Variants in PDGFD observed in about 807,000 individuals in gnomAD.
The protein encoded by PDGFD is platelet derived growth factor D, also known as platelet-derived growth factor D.
Under a neutral mutation model 44.7 loss-of-function variants are expected in PDGFD, and 30 were observed. That is an observed-to-expected ratio of 0.67 (90% confidence interval 0.50 to 0.91). The LOEUF is 0.91. PDGFD is among the 40% of genes least tolerant of loss of function. The probability of loss-of-function intolerance (pLI) is 0.00; values close to 1 mark genes in which losing one functional copy is unlikely to be tolerated. For missense variants in PDGFD, 445 were observed against 457.8 expected (o/e 0.97, Z 0.25); for synonymous variants, 173 against 168.4 (o/e 1.03, Z -0.21).
At chr11:104,071,778 C>A (rs920154336) in intron 1 of PDGFD, among the ~76,000 whole-genome samples, 5 of 151,444 alleles carry the variant, frequency 3.3e-5, no homozygotes, top group African/African-American at 1.2e-4. Context: ...ATGCTTTTAT[C>A]TAGTATTATA....
At chr11:104,049,462 G>T (rs1007410305) in intron 1 of PDGFD, among the ~76,000 whole-genome samples, 2 of 152,072 alleles carry the variant, frequency 1.3e-5, no homozygotes, top group African/African-American at 4.8e-5. Context: ...CTAAATAAGG[G>T]GTTTGAATTT....
At chr11:103,977,800 A>G (rs1859205716) in intron 3 of PDGFD, among the ~76,000 whole-genome samples, 2 of 152,044 alleles carry the variant, frequency 1.3e-5, no homozygotes, top group Non-Finnish European at 2.9e-5. Context: ...ATTTGAGGGT[A>G]ATGGGATCTA....
chr11:104,090,358 G>A (rs1333400563), intron 1 of PDGFD, among the ~76,000 whole-genome samples: 1 of 150,230 alleles, frequency 6.7e-6, no homozygotes, highest in Non-Finnish European at 1.5e-5. Flanking sequence ...AGTGGCTCAT[G>A]CCTATGATCC....
At chr11:104,057,329 G>A (rs1860636234) in intron 1 of PDGFD, among the ~76,000 whole-genome samples, 1 of 152,022 alleles carries the variant, frequency 6.6e-6, no homozygotes, top group South Asian at 2.1e-4. Context: ...AAACCCAGCA[G>A]GACTTTTTGG....
At chr11:103,957,613 G>C (rs1333815666) in intron 3 of PDGFD, among the ~76,000 whole-genome samples, 1 of 152,142 alleles carries the variant, frequency 6.6e-6, no homozygotes, top group Non-Finnish European at 1.5e-5. Context: ...ACAAGCAATG[G>C]TGAAAGGATT....
Position 104,152,511 on chromosome 11 carries a change from T to G in PDGFD, c.124+11293A>C, listed in dbSNP as rs528687521. Reference sequence around the variant, plus strand: ...CTTCTAGACTGACTCTTAAGACTTGTTTCCTCATCCTTAATTTATTTTTAC... The same window carrying G: ...CTTCTAGACTGACTCTTAAGACTTGGTTCCTCATCCTTAATTTATTTTTAC... On this transcript the variant is annotated intron_variant, in intron 1 of 6. Coordinates refer to ENST00000393158, the MANE Select transcript of PDGFD (RefSeq NM_025208.5). Among the ~76,000 whole-genome samples the G allele has an allele frequency of 1.7e-3, 264 of 152,290 alleles. 3 individuals are homozygous for G. Among genetic ancestry groups the G allele is most frequent in the African/African-American group, 6.1e-3 (253 of 41,584 alleles).
At chr11:103,992,646 G>A (rs1181691750) in intron 3 of PDGFD, among the ~76,000 whole-genome samples, 1 of 152,180 alleles carries the variant, frequency 6.6e-6, no homozygotes, top group Non-Finnish European at 1.5e-5. Flanking sequence ...TGTGACAGGT[G>A]CTAAAAGAAG....
intron 1 of PDGFD, among the ~76,000 whole-genome samples, chr11:104,026,618 A>G (rs1467607335): frequency 6.6e-6 from 1 of 152,228 alleles, no homozygotes; most frequent in African/African-American, 2.4e-5. Context: ...CCAGTTTTTA[A>G]AGGAACATTT....
Position 103,948,242 on chromosome 11 carries a change from C to T in PDGFD, c.511-518G>A, listed in dbSNP as rs188098245. 2.6e-3 allele frequency among the ~76,000 whole-genome samples: 401 copies of T among 152,214 alleles called. 2 individuals are homozygous for T. The highest frequency in any genetic ancestry group is 0.01 in the Middle Eastern group (3 of 294). On this transcript the variant is annotated intron_variant, in intron 3 of 6. Transcript: ENST00000393158. ...TCCAAAATATTGGTGATCTTTTCAA[C>T]GATACACTAACTTCCAAGGGGTTGT...
chr11:103,956,052 G>C (rs1565294542), intron 3 of PDGFD, among the ~76,000 whole-genome samples: 1 of 146,668 alleles, frequency 6.8e-6, no homozygotes, highest in Non-Finnish European at 1.5e-5. Context: ...TCTTCAGACT[G>C]AACTTAGTTT....
chr11:104,057,082 C>A (rs1460936735), intron 1 of PDGFD, among the ~76,000 whole-genome samples: 1 of 152,176 alleles, frequency 6.6e-6, no homozygotes, highest in East Asian at 1.9e-4. Context: ...GAGCCCAGAT[C>A]GAGCCACTGC....
At chr11:104,021,350 A>G (rs1454152622) in intron 1 of PDGFD, among the ~76,000 whole-genome samples, 3 of 152,176 alleles carry the variant, frequency 2.0e-5, no homozygotes, top group Middle Eastern at 3.2e-3. Context: ...TCATCTTTCT[A>G]TAGTTTCCAC....
intron 3 of PDGFD, among the ~76,000 whole-genome samples, chr11:103,982,128 C>T (rs1859280482): frequency 6.6e-6 from 1 of 151,692 alleles, no homozygotes; most frequent in South Asian, 2.1e-4. Context: ...CCAGTAGGCC[C>T]TGGAACAAAG....
At position 103,982,781 on chromosome 11, in the gene PDGFD, C is replaced by G. The variant is rs548637313; in HGVS notation, c.510+13284G>C. Among the ~76,000 whole-genome samples, 472 of 151,818 alleles carry G rather than the reference C, an allele frequency of 3.1e-3. 6 individuals carry two copies. The highest frequency in any genetic ancestry group is 1.4e-3 in the Non-Finnish European group (95 of 68,002). Reference sequence around the variant, plus strand: ...TTCTTAGACACCAACAACAGGCAAGCTGAGAGCCAAATCAGGAACAAATTC... The same window carrying G: ...TTCTTAGACACCAACAACAGGCAAGGTGAGAGCCAAATCAGGAACAAATTC... On this transcript the variant is annotated intron_variant, in intron 3 of 6. Coordinates refer to ENST00000393158, the MANE Select transcript of PDGFD (RefSeq NM_025208.5).
chr11:104,032,466 A>G (rs1330019237), intron 1 of PDGFD, among the ~76,000 whole-genome samples: 1 of 152,164 alleles, frequency 6.6e-6, no homozygotes, highest in East Asian at 1.9e-4. Flanking sequence ...AGAAATCCCA[A>G]TGTAGCAAGC....
At chr11:104,067,031 T>A (rs550589637) in intron 1 of PDGFD, among the ~76,000 whole-genome samples, 1 of 152,346 alleles carries the variant, frequency 6.6e-6, no homozygotes, top group South Asian at 2.1e-4. Context: ...TATACGAAGA[T>A]GACCAGTCTC....
chr11:103,994,505 T>C lies in PDGFD; in HGVS notation c.510+1560A>G, dbSNP rs12283383. On this transcript the variant is annotated intron_variant, in intron 3 of 6. Coordinates refer to ENST00000393158, the MANE Select transcript of PDGFD (RefSeq NM_025208.5). ...GTGTTACCGCATGTTATTTTTTCAT[T>C]TACAATGTTCTGATGTAGAATTCAC... Among the ~76,000 whole-genome samples, 1,177 of 152,316 alleles carry C rather than the reference T, an allele frequency of 7.7e-3. 14 individuals carry two copies. Among genetic ancestry groups the C allele is most frequent in the African/African-American group, 0.027 (1,121 of 41,578 alleles).
rs74409810 is a variant in PDGFD at position 104,058,143 on chromosome 11, C to A, written c.125-57888G>T. On this transcript the variant is annotated intron_variant, in intron 1 of 6. Coordinates refer to ENST00000393158, the MANE Select transcript of PDGFD (RefSeq NM_025208.5). Reference sequence around the variant, plus strand: ...AAAAAGCATGAACCATAAAAGAAAACAAATTGATAAACTGGACTTCATTAA... The same window carrying A: ...AAAAAGCATGAACCATAAAAGAAAAAAAATTGATAAACTGGACTTCATTAA... 1.4e-3 allele frequency among the ~76,000 whole-genome samples: 213 copies of A among 152,106 alleles called. 3 individuals carry two copies. The East Asian group carries it at 0.033, about 23-fold the overall frequency.
chr11:103,945,273 C>T (rs1364248305), intron 4 of PDGFD, among the ~76,000 whole-genome samples: 4 of 152,096 alleles, frequency 2.6e-5, no homozygotes, highest in South Asian at 2.1e-4. Context: ...CTTTAATCTA[C>T]GTGACTGTGT....
Sources: allele counts gnomAD v4.1 joint callset (sites outside exome capture counted in the v4.1 genomes callset), GRCh38; gene constraint gnomAD v4.1.1; transcripts MANE v1.5; gene names NCBI Gene and HGNC (gene_info 2026-07-23, HGNC 2026-07-21).